MYO9B: variants seen among roughly 807,000 people sequenced by gnomAD.
MYO9B encodes the protein unconventional myosin-IXb.
Under a neutral mutation model 229.5 loss-of-function variants are expected in MYO9B, and 71 were observed. The observed-to-expected ratio is 0.31, with a 90% CI of 0.26 to 0.38. The LOEUF (loss-of-function observed/expected upper bound fraction) is 0.38. Among genes scored for constraint, MYO9B ranks in the 10% least tolerant of loss-of-function variants. The probability of loss-of-function intolerance (pLI) is 1.00; values close to 1 mark genes in which losing one functional copy is unlikely to be tolerated. For synonymous variants in MYO9B, 1,185 were observed against 1,235.8 expected (o/e 0.96, Z 0.86); for missense variants, 2,255 against 2,920.5 (o/e 0.77, Z 5.25).
At chr19:17,178,408 G>A (rs1184912958) in intron 14 of MYO9B, 1 of 151,244 alleles carries the variant, frequency 6.6e-6, no homozygotes, top group Non-Finnish European at 1.5e-5. Context: ...TTTGAAACCA[G>A]CCTGGGCAAC....
At chr19:17,205,170 G>A (rs2145504621) in intron 30 of MYO9B, 93 bp from the exon 31 acceptor site, 1 of 854,316 alleles carries the variant, frequency 1.2e-6, no homozygotes, top group East Asian at 2.6e-5. Flanking sequence ...AAAAAAAGAA[G>A]GCAATTGGCG....
chr19:17,181,147 A>C, intron 15 of MYO9B, 107 bp downstream of exon 15: 1 of 700,492 alleles, frequency 1.4e-6, no homozygotes, highest in Non-Finnish European at 2.4e-6. Flanking sequence ...GGCCACTAAA[A>C]CCACAGTGCT....
At chr19:17,102,692 G>A in intron 2 of MYO9B, 135 bp downstream of exon 2, 1 of 1,281,982 alleles carries the variant, frequency 7.8e-7, no homozygotes, top group Non-Finnish European at 1.0e-6. Flanking sequence ...CTTGAGCCCA[G>A]GAGTTCAAGA....
rs1472521927 is a variant in MYO9B, at chr19:17,210,352, G to T, written c.5768G>T (p.Gly1923Val). 1.3e-6 allele frequency: 2 copies of T among 1,599,374 alleles called. No individual in the cohort carries two copies. Among genetic ancestry groups the T allele is most frequent in the Non-Finnish European group, 1.7e-6 (2 of 1,172,728 alleles). ...RQNAPWPLKL[G>V]FSSPYEGVLN... ...TCCCAGCCATGGCCTCTCAAACTGG[G>T]GTTTTCGTCTCCCTATGAGGGGGTC... is the stretch of plus-strand genomic sequence containing the variant. The change falls in exon 37 of 40, where the codon GGG becomes GTG. Residue 1923 changes from glycine to valine, a missense_variant. This residue lies in a region of MYO9B where 416 missense variants were observed against 605.5 expected (regional missense o/e 0.69). Transcript: ENST00000682292.
chr19:17,116,365 C>G (rs1046890853), intron 2 of MYO9B, among the ~76,000 whole-genome samples: 1 of 152,132 alleles, frequency 6.6e-6, no homozygotes, highest in African/African-American at 2.4e-5. Context: ...CCCAAGGCCG[C>G]AAACCCCCTA....
chr19:17,085,487 GA>G (rs1335614716), intron 1 of MYO9B, among the ~76,000 whole-genome samples: 2 of 152,058 alleles, frequency 1.3e-5, no homozygotes, highest in African/African-American at 4.8e-5. Flanking sequence ...GAATCAGTGG[GA>G]TAGGTGATAG....
At chr19:17,151,916 A>G (rs1398076518) in intron 3 of MYO9B, among the ~76,000 whole-genome samples, 1 of 152,196 alleles carries the variant, frequency 6.6e-6, no homozygotes, top group African/African-American at 2.4e-5. Flanking sequence ...TGCTGGGTGC[A>G]GTGGCTCATG....
Position 17,102,243 on chromosome 19 carries a change from T to C in MYO9B, c.526T>C (p.Tyr176His). 1 of 1,614,016 alleles carries C rather than the reference T, an allele frequency of 6.2e-7. No individual in the cohort carries two copies. The highest frequency in any genetic ancestry group is 8.5e-7 in the Non-Finnish European group (1 of 1,179,896). ...LKHRFLQQKIYTYAGSILVAI... is the reference protein window; with the variant it reads ...LKHRFLQQKIHTYAGSILVAI... ...GCACCGCTTCCTGCAACAAAAGATC[T>C]ACACGTACGCGGGGAGCATCCTGGT... The change falls in exon 2 of 40, where the codon TAC becomes CAC. Residue 176 changes from tyrosine to histidine, a missense_variant. By Grantham distance (83) the Tyr-to-His change is moderately conservative. Around this residue, in one of 7 missense-constraint regions of MYO9B, gnomAD observed 386 missense variants for 515.2 expected, o/e 0.75. Transcript: ENST00000682292.
chr19:17,154,013 G>C lies in MYO9B; in HGVS notation c.1045G>C (p.Glu349Gln), dbSNP rs551780289. ...TTTGTTACTTGGGGTCAGCGAGGAA[G>C]AGCGCCAAGAATTTCAGCTCAAGCA... ...YYLLLGVSEE[E>Q]RQEFQLKQPE... The change falls in exon 5 of 40, where the codon GAG becomes CAG. Residue 349 changes from glutamate (E) to glutamine (Q), a missense_variant. This residue lies in a region of MYO9B where 386 missense variants were observed against 515.2 expected (regional missense o/e 0.75). Coordinates refer to ENST00000682292, the MANE Select transcript of MYO9B (RefSeq NM_004145.4). 1 of 1,613,838 alleles carries C rather than the reference G, an allele frequency of 6.2e-7. No homozygotes were observed. Among genetic ancestry groups the C allele is most frequent in the South Asian group, 1.1e-5 (1 of 91,074 alleles).
Position 17,195,418 on chromosome 19 carries a change from T to G in MYO9B, c.3991T>G (p.Ser1331Ala). 1 of 1,608,078 alleles carries G rather than the reference T, an allele frequency of 6.2e-7. No individual in the cohort carries two copies. Among genetic ancestry groups the G allele is most frequent in the Non-Finnish European group, 8.5e-7 (1 of 1,179,118 alleles). The change falls in exon 22 of 40, where the codon TCC (serine) becomes GCC (alanine). Residue 1331 changes from serine (S) to alanine (A), a missense_variant. This residue lies in a region of MYO9B where 679 missense variants were observed against 770.2 expected (regional missense o/e 0.88). Coordinates refer to ENST00000682292, the MANE Select transcript of MYO9B (RefSeq NM_004145.4). This position sits in a 1 kb window ranked among gnomAD's most constrained non-coding sequence, Gnocchi z 4.5. ...AASPSAMLSQ[S>A]LDLSDRHRAT... ...CAGCCCTAGTGCCATGCTCAGCCAG[T>G]CCCTGGACCTCAGCGACAGACACCG...
chr19:17,161,267 C>T (rs184510637), intron 8 of MYO9B, among the ~76,000 whole-genome samples: 6 of 152,108 alleles, frequency 3.9e-5, no homozygotes, highest in East Asian at 1.9e-4. Flanking sequence ...CTCTGAGGAG[C>T]GTATGGAAAG....
intron 2 of MYO9B, among the ~76,000 whole-genome samples, chr19:17,108,376 C>T (rs1599330522): frequency 6.6e-6 from 1 of 151,922 alleles, no homozygotes; most frequent in Non-Finnish European, 1.5e-5. Flanking sequence ...ATTTCTCAAC[C>T]TGGCTCTGCT....
rs1449856907 is a variant in MYO9B, at chr19:17,107,875, T to G, written c.840+5318T>G. 2.0e-5 allele frequency among the ~76,000 whole-genome samples: 3 copies of G among 152,154 alleles called. No homozygotes were observed. In the South Asian group the frequency reaches 6.2e-4, roughly 31 times the overall value. On this transcript the variant is annotated intron_variant, in intron 2 of 39. Coordinates refer to ENST00000682292, the MANE Select transcript of MYO9B (RefSeq NM_004145.4). ...TCCAAATAAGGTCACATACACAGTT[T>G]CTGGGGGTGAGGATGTGGATATAAT...
At position 17,172,728 on chromosome 19, in the gene MYO9B, C is replaced by T. The variant is rs1426812062; in HGVS notation, c.1936-31C>T. ...GTAGGCGCCGGTGAGTGACTATCCC[C>T]GAGTGACCGCCCACATCCATCCCCC... On this transcript the variant is annotated intron_variant, in intron 12 of 39. Transcript: ENST00000682292. The surrounding 1 kb of genome is among the most constrained non-coding windows in gnomAD (Gnocchi z 8.2). The T allele has an allele frequency of 3.7e-6, 6 of 1,610,288 alleles. No homozygotes were observed. The highest frequency in any genetic ancestry group is 3.3e-5 in the South Asian group (3 of 91,010).
intron 2 of MYO9B, among the ~76,000 whole-genome samples, chr19:17,139,409 A>G (rs2072310070): frequency 6.6e-6 from 1 of 152,110 alleles, no homozygotes; most frequent in Non-Finnish European, 1.5e-5. Context: ...AGATCACACC[A>G]CCGCACTCCA....
intron 13 of MYO9B, among the ~76,000 whole-genome samples, 155 bp downstream of exon 13, chr19:17,173,118 C>T (rs774441501): frequency 6.6e-6 from 1 of 152,138 alleles, no homozygotes; most frequent in East Asian, 1.9e-4. Flanking sequence ...TCACCCTGAA[C>T]AGAAACTCGA....
intron 34 of MYO9B, 52 bp downstream of exon 34, chr19:17,206,836 C>CCAT: frequency 7.0e-7 from 1 of 1,438,156 alleles, no homozygotes; most frequent in Admixed American, 2.0e-5. Flanking sequence ...ATTGGGAACC[C>CCAT]GCGAGGCAGC....
At chr19:17,210,671 C>T in intron 37 of MYO9B, 44 bp from the exon 38 acceptor site, 1 of 1,494,070 alleles carries the variant, frequency 6.7e-7, no homozygotes, top group Non-Finnish European at 8.9e-7. Context: ...AGTAACCTCG[C>T]CCACTCAGAG....
intron 2 of MYO9B, among the ~76,000 whole-genome samples, chr19:17,109,545 A>G (rs748072785): frequency 3.3e-5 from 5 of 152,178 alleles, no homozygotes; most frequent in African/African-American, 4.8e-5. Flanking sequence ...ATAACAAAGT[A>G]TTACGGGCTG....
Sources: gnomAD v4.1 joint callset for allele counts (sites outside exome capture counted in the v4.1 genomes callset) on GRCh38, gnomAD v4.1.1 for gene constraint, gnomAD v4.1.1 regional missense constraint, Gnocchi (gnomAD v3.1) non-coding constraint, MANE v1.5 for transcripts, NCBI Gene and HGNC (gene_info 2026-07-23, HGNC 2026-07-21) for gene names.